The following NTM variants were observed in gnomAD, a reference collection of about 807,000 sequenced individuals.
The protein encoded by NTM is IgLON family member 2.
A neutral mutation model predicts 42.1 loss-of-function variants in NTM; 13 were observed. That is an observed-to-expected ratio of 0.31 (90% CI 0.20 to 0.49). The LOEUF is 0.49. NTM is among the 20% of genes least tolerant of loss of function. The pLI is 0.99. For missense variants in NTM, 373 were observed against 452.8 expected (o/e 0.82, Z 1.60); for synonymous variants, 187 against 179.2 (o/e 1.04, Z -0.35).
chr11:132,238,230 GA>G lies in NTM; in HGVS notation c.526+26086del, dbSNP rs1285732957. Among the ~76,000 whole-genome samples the G allele has an allele frequency of 4.6e-5, 7 of 152,096 alleles. No individual in the cohort carries two copies. The East Asian group carries it at 1.4e-3, about 29-fold the overall frequency. ...GGCTGGAGCTGAGGGGAGAGGAGAG[GA>G]AAGGTTACAGGTGAGCGAGCCCCGC... On this transcript the variant is annotated intron_variant, in intron 4 of 8. Transcript: ENST00000683400.
At chr11:131,500,567 ATATATATATATT>A (rs575206204) in intron 1 of NTM, among the ~76,000 whole-genome samples, 56 of 27,092 alleles carry the variant, frequency 2.1e-3, no homozygotes, top group African/African-American at 0.01. Flanking sequence ...ATATATATAT[ATATATATATATT>A]TTTTTTTTTT....
At chr11:132,097,858 A>G (rs2061201564) in intron 2 of NTM, among the ~76,000 whole-genome samples, 1 of 152,196 alleles carries the variant, frequency 6.6e-6, no homozygotes, top group Non-Finnish European at 1.5e-5. Flanking sequence ...AGTTCCTCCC[A>G]CTTGGGCAGA....
intron 1 of NTM, among the ~76,000 whole-genome samples, chr11:131,758,891 C>T (rs1012189047): frequency 7.9e-5 from 12 of 152,042 alleles, no homozygotes; most frequent in East Asian, 1.9e-4. Context: ...CGTGTCCAGC[C>T]GTCTGCATAT....
chr11:131,714,852 G>A (rs1225681048), intron 1 of NTM, among the ~76,000 whole-genome samples: 1 of 152,084 alleles, frequency 6.6e-6, no homozygotes, highest in African/African-American at 2.4e-5. Flanking sequence ...AGCCTTTGCA[G>A]TTTCCCGTGG....
At chr11:131,769,823 A>G (rs1413897445) in intron 1 of NTM, among the ~76,000 whole-genome samples, 1 of 152,218 alleles carries the variant, frequency 6.6e-6, no homozygotes, top group Admixed American at 6.5e-5. Flanking sequence ...CTGCCTGCAT[A>G]TTCCAAACCA....
At chr11:131,947,236 T>A (rs2060442006) in intron 2 of NTM, among the ~76,000 whole-genome samples, 1 of 152,210 alleles carries the variant, frequency 6.6e-6, no homozygotes, top group East Asian at 1.9e-4. Context: ...ATGGTGGTCT[T>A]GACTTGTTTA....
chr11:132,263,448 C>A (rs2092993023), intron 4 of NTM, among the ~76,000 whole-genome samples: 2 of 152,238 alleles, frequency 1.3e-5, no homozygotes, highest in Non-Finnish European at 2.9e-5. Context: ...GCTAGGTCAG[C>A]TGATTAGCTT....
chr11:132,182,821 C>T (rs767477175), intron 3 of NTM, among the ~76,000 whole-genome samples: 2 of 152,120 alleles, frequency 1.3e-5, no homozygotes, highest in African/African-American at 2.4e-5. Context: ...ATCCTTTTAC[C>T]ATCAAATTCT....
chr11:132,010,143 C>G lies in NTM; in HGVS notation c.167+98495C>G, dbSNP rs139307237. 6.6e-3 allele frequency among the ~76,000 whole-genome samples: 1,007 copies of G among 152,338 alleles called. 6 individuals are homozygous for G. The highest frequency in any genetic ancestry group is 0.023 in the African/African-American group (948 of 41,580). On this transcript the variant is annotated intron_variant, in intron 2 of 8. Coordinates refer to ENST00000683400, the MANE Select transcript of NTM (RefSeq NM_001352005.2). Reference sequence around the variant, plus strand: ...CACGGCTGTTCATGTAATACCTCAGCAGCTTCTTGCTTCATATTAGCTTTG... The same window carrying G: ...CACGGCTGTTCATGTAATACCTCAGGAGCTTCTTGCTTCATATTAGCTTTG...
intron 1 of NTM, chr11:131,771,661 A>G (rs942415855): frequency 2.6e-5 from 4 of 152,270 alleles, no homozygotes; most frequent in Non-Finnish European, 4.4e-5. Context: ...ACTGGATCTC[A>G]GTGTTCTCCT....
chr11:131,384,947 G>A (rs1288712198), intron 1 of NTM, among the ~76,000 whole-genome samples: 1 of 152,220 alleles, frequency 6.6e-6, no homozygotes, highest in Non-Finnish European at 1.5e-5. Context: ...CTGCCATCTG[G>A]ACCTGTTGCA....
At chr11:132,135,500 G>A (rs1012421490) in intron 2 of NTM, among the ~76,000 whole-genome samples, 1 of 152,222 alleles carries the variant, frequency 6.6e-6, no homozygotes, top group Non-Finnish European at 1.5e-5. Context: ...CAGGCAGAAG[G>A]TGTAAGGGAA....
At chr11:132,026,392 G>C (rs543430551) in intron 2 of NTM, among the ~76,000 whole-genome samples, 1 of 152,072 alleles carries the variant, frequency 6.6e-6, no homozygotes. Context: ...AACCATCCTG[G>C]GGTCCACTTA....
At chr11:131,793,692 C>T (rs746209703) in intron 1 of NTM, among the ~76,000 whole-genome samples, 4 of 152,134 alleles carry the variant, frequency 2.6e-5, no homozygotes, top group Non-Finnish European at 5.9e-5. Context: ...TATCCTGTCA[C>T]GCTTCCCACC....
At chr11:131,988,708 C>A (rs959371734) in intron 2 of NTM, among the ~76,000 whole-genome samples, 1 of 152,124 alleles carries the variant, frequency 6.6e-6, no homozygotes, top group Non-Finnish European at 1.5e-5. Flanking sequence ...ATAGGCAGTG[C>A]CTTCATTTTG....
chr11:132,144,954 T>C (rs1036724919), intron 2 of NTM, among the ~76,000 whole-genome samples: 3 of 152,228 alleles, frequency 2.0e-5, no homozygotes, highest in African/African-American at 7.2e-5. Flanking sequence ...GCAGAAAGGA[T>C]GCACAGTACA....
chr11:132,141,051 G>A (rs1436060585), intron 2 of NTM: 1 of 152,214 alleles, frequency 6.6e-6, no homozygotes, highest in Admixed American at 6.5e-5. Context: ...ATCCATTATT[G>A]CCCTCAGATC....
At chr11:131,618,828 A>C (rs1220628465) in intron 1 of NTM, among the ~76,000 whole-genome samples, 2 of 152,216 alleles carry the variant, frequency 1.3e-5, no homozygotes, top group African/African-American at 4.8e-5. Flanking sequence ...AGTTGTGTGC[A>C]GTAGAAGACT....
chr11:131,429,528 T>C (rs1948480014), intron 1 of NTM, among the ~76,000 whole-genome samples: 1 of 151,968 alleles, frequency 6.6e-6, no homozygotes, highest in South Asian at 2.1e-4. Context: ...GTGAAAAAAA[T>C]AAGAATAATA....
Sources: gnomAD v4.1 joint callset for allele counts (sites outside exome capture counted in the v4.1 genomes callset) on GRCh38, gnomAD v4.1.1 for gene constraint, MANE v1.5 for transcripts, NCBI Gene and HGNC (gene_info 2026-07-23, HGNC 2026-07-21) for gene names.